Variants in RNF180 observed in about 807,000 individuals in gnomAD.
The protein encoded by RNF180 is E3 ubiquitin-protein ligase RNF180.
Under a neutral mutation model 59.2 loss-of-function variants are expected in RNF180, and 38 were observed. The observed-to-expected ratio is 0.64, with a 90% confidence interval of 0.50 to 0.84. The LOEUF is 0.84. Ranked by LOEUF, RNF180 falls within the 40% of genes least tolerant of loss-of-function variation. The pLI, the probability that RNF180 is intolerant of heterozygous loss-of-function variation, is 0.00. For missense variants in RNF180, 705 were observed against 700.9 expected (o/e 1.01, Z -0.07); for synonymous variants, 262 against 240.3 (o/e 1.09, Z -0.84).
At chr5:64,170,078 G>C (rs557536655) in intron 1 of RNF180, among the ~76,000 whole-genome samples, 2 of 152,274 alleles carry the variant, frequency 1.3e-5, no homozygotes, top group South Asian at 4.1e-4. Flanking sequence ...ACCTGTCAAG[G>C]CATGAGGTTG....
At chr5:64,297,291 A>C (rs1742930540) in intron 5 of RNF180, among the ~76,000 whole-genome samples, 1 of 152,042 alleles carries the variant, frequency 6.6e-6, no homozygotes. Flanking sequence ...TTCTCACAAA[A>C]GGCCTGGTTT....
intron 5 of RNF180, among the ~76,000 whole-genome samples, chr5:64,291,856 C>T (rs1742606728): frequency 6.6e-6 from 1 of 152,064 alleles, no homozygotes; most frequent in Admixed American, 6.6e-5. Context: ...TCATTCTTCT[C>T]TATTCTTATC....
At chr5:64,201,009 T>G in intron 2 of RNF180, 67 bp downstream of exon 2, 1 of 1,219,992 alleles carries the variant, frequency 8.2e-7, no homozygotes, top group Non-Finnish European at 1.2e-6. Context: ...TCCACACACA[T>G]GCACACTTAT....
intron 5 of RNF180, among the ~76,000 whole-genome samples, chr5:64,277,086 TG>T (rs1741760118): frequency 6.6e-6 from 1 of 151,722 alleles, no homozygotes; most frequent in African/African-American, 2.4e-5. Flanking sequence ...AAAATTCATA[TG>T]TTTAAACCCT....
At chr5:64,236,373 G>A (rs934951819) in intron 5 of RNF180, among the ~76,000 whole-genome samples, 6 of 152,160 alleles carry the variant, frequency 3.9e-5, no homozygotes, top group East Asian at 1.9e-4. Flanking sequence ...AAGAAATTTC[G>A]AAGCAGCAAA....
At chr5:64,239,196 G>C (rs1235950069) in intron 5 of RNF180, among the ~76,000 whole-genome samples, 1 of 152,098 alleles carries the variant, frequency 6.6e-6, no homozygotes, top group Non-Finnish European at 1.5e-5. Context: ...ATACTTCAGG[G>C]CTTGCTACTC....
intron 7 of RNF180, among the ~76,000 whole-genome samples, chr5:64,342,413 A>G (rs887133658): frequency 6.6e-6 from 1 of 152,148 alleles, no homozygotes; most frequent in African/African-American, 2.4e-5. Flanking sequence ...TTTGATAACC[A>G]TAGAGACTGA....
chr5:64,197,413 T>G (rs1751509741), intron 1 of RNF180, among the ~76,000 whole-genome samples: 1 of 152,326 alleles, frequency 6.6e-6, no homozygotes, highest in Non-Finnish European at 1.5e-5. Context: ...AATATTAAGA[T>G]GTTGTTTGCC....
chr5:64,194,193 C>A (rs1172428292), intron 1 of RNF180, among the ~76,000 whole-genome samples: 2 of 152,102 alleles, frequency 1.3e-5, no homozygotes, highest in South Asian at 4.2e-4. Context: ...TGTGATGTTC[C>A]CCTTCCTGTG....
chr5:64,193,436 T>A (rs1456662110), intron 1 of RNF180, among the ~76,000 whole-genome samples: 1 of 152,146 alleles, frequency 6.6e-6, no homozygotes, highest in Admixed American at 6.5e-5. Context: ...GCAATTTTTG[T>A]ATACCAATTG....
At position 64,306,631 on chromosome 5, in the gene RNF180, A is replaced by C. The variant is rs145196824; in HGVS notation, c.1228-18555A>C. On this transcript the variant is annotated intron_variant, in intron 5 of 7. Coordinates refer to ENST00000389100, the MANE Select transcript of RNF180 (RefSeq NM_001113561.2). The stretch of plus-strand genomic sequence containing the variant: ...AAACATGGCACATACACACCATGGA[A>C]TGCTATGCAGCCATAAAAAGTGATG... 4.1e-3 allele frequency among the ~76,000 whole-genome samples: 618 copies of C among 151,938 alleles called. 3 individuals carry two copies. The highest frequency in any genetic ancestry group is 0.014 in the African/African-American group (599 of 41,498).
chr5:64,342,431 G>A (rs114544038), intron 7 of RNF180, among the ~76,000 whole-genome samples: 2 of 152,100 alleles, frequency 1.3e-5, no homozygotes, highest in African/African-American at 2.4e-5. Context: ...TGACATGTCG[G>A]ATTGGAAGAG....
chr5:64,332,672 C>CT (rs2112542807), intron 7 of RNF180, among the ~76,000 whole-genome samples: 1 of 152,290 alleles, frequency 6.6e-6, no homozygotes, highest in Non-Finnish European at 1.5e-5. Context: ...GAATTTGTTA[C>CT]TATATGAACA....
intron 1 of RNF180, among the ~76,000 whole-genome samples, chr5:64,172,534 C>T (rs998677119): frequency 8.5e-5 from 13 of 152,124 alleles, no homozygotes; most frequent in African/African-American, 3.1e-4. Flanking sequence ...CTGGGAAAAT[C>T]GTGGATGAGC....
chr5:64,238,055 C>G (rs148527209), intron 5 of RNF180, among the ~76,000 whole-genome samples: 1 of 152,244 alleles, frequency 6.6e-6, no homozygotes, highest in African/African-American at 2.4e-5. Context: ...ATGAACTTGA[C>G]GAGTTTTAGA....
intron 7 of RNF180, among the ~76,000 whole-genome samples, chr5:64,337,392 G>A (rs1417769323): frequency 6.6e-6 from 1 of 151,900 alleles, no homozygotes; most frequent in Non-Finnish European, 1.5e-5. Context: ...TTTGTTAAAG[G>A]TTCAACATCT....
rs186313229 is a variant in RNF180 at position 64,325,790 on chromosome 5, C to A, written c.1453+379C>A. Among the ~76,000 whole-genome samples the A allele has an allele frequency of 5.3e-5, 8 of 152,248 alleles. No homozygotes were observed. In the East Asian group the frequency reaches 1.5e-3, roughly 29 times the overall value. ...TCCTTTGGAGTCACAGAGAATAAAT[C>A]CGTAAATATCTAAGTACAATTACTA... On this transcript the variant is annotated intron_variant, in intron 6 of 7. Transcript: ENST00000389100.
intron 5 of RNF180, among the ~76,000 whole-genome samples, chr5:64,275,641 G>GT: frequency 6.6e-6 from 1 of 151,996 alleles, no homozygotes; most frequent in Admixed American, 6.6e-5. Flanking sequence ...TAGAAACTAA[G>GT]TCTTAATAAA....
chr5:64,291,690 G>T lies in RNF180; in HGVS notation c.1228-33496G>T, dbSNP rs189589214. Reference sequence around the variant, plus strand: ...GATCCACCCGCCTCGGCCTCGCAAAGTGCTAGGATTACAGGCGTGAGCCAC... The same window carrying T: ...GATCCACCCGCCTCGGCCTCGCAAATTGCTAGGATTACAGGCGTGAGCCAC... On this transcript the variant is annotated intron_variant, in intron 5 of 7. Transcript: ENST00000389100. Among the ~76,000 whole-genome samples the T allele has an allele frequency of 6.1e-3, 935 of 152,120 alleles. 4 individuals are homozygous for T. The highest frequency in any genetic ancestry group is 0.011 in the Non-Finnish European group (749 of 67,990).
Sources: allele counts gnomAD v4.1 joint callset (sites outside exome capture counted in the v4.1 genomes callset), GRCh38; gene constraint gnomAD v4.1.1; transcripts MANE v1.5; gene names NCBI Gene and HGNC (gene_info 2026-07-23, HGNC 2026-07-21).